Variants in EFCAB7 observed in about 807,000 individuals in gnomAD.
The protein encoded by EFCAB7 is EF-hand calcium-binding domain-containing protein 7.
In EFCAB7, 66 loss-of-function variants were observed where a neutral mutation model predicts 77.1. That is an observed-to-expected ratio of 0.86 (90% CI 0.70 to 1.05). EFCAB7 has a LOEUF of 1.05. Ranked by LOEUF, EFCAB7 falls within the 50% of genes least tolerant of loss-of-function variation. EFCAB7 has a pLI of 0.00. For synonymous variants in EFCAB7, 225 were observed against 243.3 expected, an observed-to-expected ratio of 0.92 and a Z score of 0.70; for missense variants, 638 against 730.5, an observed-to-expected ratio of 0.87 and a Z score of 1.46.
At chr1:63,543,097 G>T (rs1646849534) in intron 6 of EFCAB7, among the ~76,000 whole-genome samples, 1 of 152,088 alleles carries the variant, frequency 6.6e-6, no homozygotes, top group East Asian at 1.9e-4. Flanking sequence ...AGGTCTTCAG[G>T]TTGAGTTAAT....
the EFCAB7 span, among the ~76,000 whole-genome samples, chr1:63,577,941 T>C: frequency 6.6e-6 from 1 of 152,184 alleles, no homozygotes; most frequent in Non-Finnish European, 1.5e-5. Flanking sequence ...TTTTTACTCA[T>C]GTAATATAAT....
chr1:63,584,442 C>A, the EFCAB7 span, among the ~76,000 whole-genome samples: 1 of 152,134 alleles, frequency 6.6e-6, no homozygotes, highest in Admixed American at 6.5e-5. Flanking sequence ...GTCCCGGCTA[C>A]TCATGAGGCT....
intron 11 of EFCAB7, 134 bp downstream of exon 11, chr1:63,561,991 GCAA>G (rs1647107216): frequency 2.1e-6 from 1 of 479,998 alleles, no homozygotes; most frequent in African/African-American, 2.0e-5. Context: ...AATCCTGGGT[GCAA>G]CAACATGTTT....
In EFCAB7 at chr1:63,557,242, G is replaced by A. The variant is rs1479804281; in HGVS notation, c.1343G>A (p.Cys448Tyr). 1 of 1,601,812 alleles carries A rather than the reference G, an allele frequency of 6.2e-7. No homozygotes were observed. The highest frequency in any genetic ancestry group is 8.5e-7 in the Non-Finnish European group (1 of 1,177,194). ...EKCDEDAWAV[C>Y]RENFDTKRNE... ...TGTGATGAAGATGCTTGGGCTGTCTGCAGAGGTAAGCACTTTTCTTTTCCT... is the reference window on the plus strand; with the variant it reads ...TGTGATGAAGATGCTTGGGCTGTCTACAGAGGTAAGCACTTTTCTTTTCCT... Residue 448 changes from cysteine to tyrosine, a missense_variant, in exon 10 of 14, where the codon TGC becomes TAC. Cys to Tyr is a radical substitution (Grantham distance 194). Transcript: ENST00000371088.
At chr1:63,582,670 C>T in the EFCAB7 span, among the ~76,000 whole-genome samples, 14 of 152,266 alleles carry the variant, frequency 9.2e-5, no homozygotes, top group Non-Finnish European at 1.3e-4. Flanking sequence ...TGCAGTGGTG[C>T]CATCTCAGCT....
chr1:63,537,890 A>C (rs1030178689), intron 6 of EFCAB7, among the ~76,000 whole-genome samples: 3 of 152,174 alleles, frequency 2.0e-5, no homozygotes, highest in Admixed American at 2.0e-4. Flanking sequence ...TTCTCACTGA[A>C]AATTTTAATA....
intron 7 of EFCAB7, 50 bp from the exon 8 acceptor site, chr1:63,551,675 G>C: frequency 1.2e-6 from 1 of 819,486 alleles, no homozygotes; most frequent in Middle Eastern, 2.5e-4. Flanking sequence ...GGAAAGAATA[G>C]ATAGTGATTG....
chr1:63,542,049 T>G (rs1457797980), intron 6 of EFCAB7, among the ~76,000 whole-genome samples: 1 of 152,100 alleles, frequency 6.6e-6, no homozygotes, highest in Non-Finnish European at 1.5e-5. Context: ...CCACCATACA[T>G]CTCCAGGACT....
rs760012293 is a variant in EFCAB7, at chr1:63,572,440, A to C, written c.1816-2A>C. 5.0e-5 allele frequency: 78 copies of C among 1,575,682 alleles called. No individual in the cohort carries two copies. The highest frequency in any genetic ancestry group is 6.3e-5 in the Non-Finnish European group (74 of 1,165,882). ...GTAAAAGCTTTCTATTTTTATGTGC[A>C]GGTTTGTCAACATGTAATGCCTTTG... On this transcript the variant is annotated splice_acceptor_variant, in intron 13 of 13. Transcript: ENST00000371088. LOFTEE classifies it high-confidence loss of function.
chr1:63,585,309 A>G, the EFCAB7 span, among the ~76,000 whole-genome samples: 604 of 152,256 alleles, frequency 4.0e-3, 3 homozygotes, highest in African/African-American at 0.013. Flanking sequence ...AAAATTGTCA[A>G]TGCAGTCTGT....
At chr1:63,573,791 G>GAAT (rs1647334742), downstream of EFCAB7, among the ~76,000 whole-genome samples, 2 of 152,158 alleles carry the variant, frequency 1.3e-5, no homozygotes, top group African/African-American at 2.4e-5. Context: ...TCCCAGGACA[G>GAAT]GCCTGAATTC....
intron 11 of EFCAB7, among the ~76,000 whole-genome samples, chr1:63,562,449 T>TTATATATATATATATATA (rs869302346): frequency 4.5e-5 from 1 of 22,464 alleles, no homozygotes; most frequent in Non-Finnish European, 7.5e-5. Context: ...CTTAATTTAT[T>TTATATATATATATATATA]TATATATATA....
chr1:63,524,786 A>C (rs1412134738), intron 1 of EFCAB7, among the ~76,000 whole-genome samples: 1 of 152,112 alleles, frequency 6.6e-6, no homozygotes, highest in Non-Finnish European at 1.5e-5. Context: ...GCTACCCCTC[A>C]ATTTCCTCAT....
intron 6 of EFCAB7, 76 bp from the exon 7 acceptor site, chr1:63,545,840 T>C (rs1414559066): frequency 8.3e-7 from 1 of 1,198,348 alleles, no homozygotes; most frequent in Non-Finnish European, 1.2e-6. Context: ...TATCCCCCTG[T>C]GTTTTCTCCT....
At chr1:63,544,437 G>C (rs1045586232) in intron 6 of EFCAB7, among the ~76,000 whole-genome samples, 31 of 151,948 alleles carry the variant, frequency 2.0e-4, no homozygotes, top group African/African-American at 5.8e-4. Flanking sequence ...TTTTGAGACA[G>C]AGTCTCACTC....
chr1:63,555,399 G>C lies in EFCAB7; in HGVS notation c.1098G>C (p.Trp366Cys). 6.2e-7 allele frequency: 1 copy of C among 1,613,614 alleles called. No homozygotes were observed. The highest frequency in any genetic ancestry group is 8.5e-7 in the Non-Finnish European group (1 of 1,179,728). ...GTGAACTAGGACCTGGAATTTACTG[G>C]TTAATTCCTTCCACAACTGGCTGTA... is the stretch of plus-strand genomic sequence containing the variant. ...WTGELGPGIY[W>C]LIPSTTGCRL... The change falls in exon 9 of 14, where the codon TGG (tryptophan) becomes TGC (cysteine). Residue 366 changes from tryptophan (W) to cysteine (C), a missense_variant. Coordinates refer to ENST00000371088, the MANE Select transcript of EFCAB7 (RefSeq NM_032437.4).
chr1:63,580,370 G>A, the EFCAB7 span, among the ~76,000 whole-genome samples: 1 of 151,968 alleles, frequency 6.6e-6, no homozygotes, highest in African/African-American at 2.4e-5. Context: ...AAATTCACTG[G>A]TCATATAGAA....
chr1:63,533,059 TA>T (rs1171822653), intron 4 of EFCAB7, among the ~76,000 whole-genome samples: 2 of 152,028 alleles, frequency 1.3e-5, no homozygotes, highest in Admixed American at 1.3e-4. Flanking sequence ...ATAACCAAGT[TA>T]AAAAACATGT....
rs911750201 is a variant in EFCAB7 at position 63,568,369 on chromosome 1, C to G, written c.1557C>G (p.Val519=). 1 of 1,598,790 alleles carries G rather than the reference C, an allele frequency of 6.3e-7. No homozygotes were observed. Among genetic ancestry groups the G allele is most frequent in the African/African-American group, 1.4e-5 (1 of 73,772 alleles). ...AATGCAAGCCAAAAATTAAAGCTGT[C>G]CATATGGAGGCATGTAGTGGACAAC... ...AEKCKPKIKA[V]HMEACSGQLE... is the part of the protein sequence containing the mutation. The change falls in exon 12 of 14, where the codon GTC becomes GTG. Residue 519 remains valine, a synonymous_variant. Coordinates refer to ENST00000371088, the MANE Select transcript of EFCAB7 (RefSeq NM_032437.4).
Sources: gnomAD v4.1 joint callset for allele counts (sites outside exome capture counted in the v4.1 genomes callset) on GRCh38, gnomAD v4.1.1 for gene constraint, MANE v1.5 for transcripts, NCBI Gene and HGNC (gene_info 2026-07-23, HGNC 2026-07-21) for gene names.